The following KCND2 variants were observed in gnomAD, a reference collection of about 807,000 sequenced individuals.
KCND2 encodes A-type voltage-gated potassium channel KCND2.
A neutral mutation model predicts 54.4 loss-of-function variants in KCND2; 16 were observed. The observed-to-expected ratio is 0.29, with a 90% confidence interval of 0.20 to 0.45. The LOEUF is 0.45. Among genes scored for constraint, KCND2 ranks in the 20% least tolerant of loss-of-function variants. The pLI is 1.00. For synonymous variants in KCND2, 317 were observed against 310.7 expected (o/e 1.02, Z -0.21); for missense variants, 486 against 824.2 (o/e 0.59, Z 5.02).
intron 1 of KCND2, among the ~76,000 whole-genome samples, chr7:120,293,709 C>T (rs140629867): frequency 7.2e-4 from 109 of 151,964 alleles, no homozygotes; most frequent in African/African-American, 2.6e-3. Context: ...CTCAGCTCTG[C>T]TTAACATATA....
At chr7:120,613,380 C>T (rs1792980677) in intron 1 of KCND2, among the ~76,000 whole-genome samples, 1 of 151,968 alleles carries the variant, frequency 6.6e-6, no homozygotes, top group Admixed American at 6.6e-5. Flanking sequence ...AAAATACAAA[C>T]ATTAGCTGGG....
intron 1 of KCND2, among the ~76,000 whole-genome samples, chr7:120,717,193 G>A (rs1337925109): frequency 6.6e-6 from 1 of 152,076 alleles, no homozygotes; most frequent in Non-Finnish European, 1.5e-5. Flanking sequence ...TGACCTTCTA[G>A]CAATCATCAG....
intron 2 of KCND2, among the ~76,000 whole-genome samples, chr7:120,736,207 C>A (rs531680918): frequency 6.6e-6 from 1 of 152,194 alleles, no homozygotes; most frequent in African/African-American, 2.4e-5. Context: ...AAATTCCTAT[C>A]ATCACTATCA....
intron 1 of KCND2, among the ~76,000 whole-genome samples, chr7:120,375,062 A>T (rs886811247): frequency 7.9e-5 from 12 of 151,844 alleles, no homozygotes; most frequent in African/African-American, 2.4e-4. Flanking sequence ...TCTTGGAATA[A>T]TGCCAGGAAC....
At chr7:120,545,619 C>T (rs563186589) in intron 1 of KCND2, among the ~76,000 whole-genome samples, 133 of 151,750 alleles carry the variant, frequency 8.8e-4, no homozygotes, top group Non-Finnish European at 1.7e-3. Flanking sequence ...TAATTTTTCT[C>T]ATTGATCTGA....
intron 1 of KCND2, among the ~76,000 whole-genome samples, chr7:120,433,803 G>T (rs756545791): frequency 1.2e-4 from 18 of 152,164 alleles, no homozygotes; most frequent in Non-Finnish European, 2.2e-4. Context: ...AAATATGCAA[G>T]AATGTTTATG....
chr7:120,532,620 G>C (rs1791856211), intron 1 of KCND2, among the ~76,000 whole-genome samples: 1 of 151,646 alleles, frequency 6.6e-6, no homozygotes, highest in South Asian at 2.1e-4. Context: ...AATCACTACA[G>C]AAACAAAAGA....
At chr7:120,375,521 G>A (rs917027126) in intron 1 of KCND2, among the ~76,000 whole-genome samples, 7 of 151,766 alleles carry the variant, frequency 4.6e-5, no homozygotes, top group African/African-American at 1.4e-4. Context: ...TTTTCAATAT[G>A]CTGCATGAGT....
At chr7:120,464,727 G>T (rs562490512) in intron 1 of KCND2, among the ~76,000 whole-genome samples, 1 of 152,136 alleles carries the variant, frequency 6.6e-6, no homozygotes, top group South Asian at 2.1e-4. Flanking sequence ...GTGGCTGTAG[G>T]TCTGAGGTCT....
At chr7:120,404,086 T>C (rs921817578) in intron 1 of KCND2, among the ~76,000 whole-genome samples, 1 of 151,634 alleles carries the variant, frequency 6.6e-6, no homozygotes. Context: ...AACTAGAGAG[T>C]TTGGGCTTTC....
intron 1 of KCND2, among the ~76,000 whole-genome samples, chr7:120,545,525 G>C (rs1233620041): frequency 6.6e-6 from 1 of 151,796 alleles, no homozygotes; most frequent in Non-Finnish European, 1.5e-5. Flanking sequence ...TAGATCCCAG[G>C]TCAGCAATGA....
chr7:120,517,053 A>G (rs187640269), intron 1 of KCND2, among the ~76,000 whole-genome samples: 1 of 152,172 alleles, frequency 6.6e-6, no homozygotes, highest in Non-Finnish European at 1.5e-5. Context: ...GTCAAGTTCT[A>G]CTTTACAAAA....
intron 1 of KCND2, among the ~76,000 whole-genome samples, chr7:120,493,419 G>A (rs75803405): frequency 0.028 from 4,229 of 151,954 alleles, 90 homozygotes; most frequent in Non-Finnish European, 0.046. Context: ...ATATAACAAC[G>A]AAGAAAGTAA....
intron 1 of KCND2, among the ~76,000 whole-genome samples, chr7:120,333,712 A>C (rs917438764): frequency 6.6e-6 from 1 of 152,226 alleles, no homozygotes; most frequent in Middle Eastern, 3.4e-3. Flanking sequence ...TTTTGATCAA[A>C]ACAGATATTT....
At position 120,747,891 on chromosome 7, in the gene KCND2, C is replaced by G. The variant is rs1250118453; in HGVS notation, c.*33C>G. On this transcript the variant is annotated 3_prime_UTR_variant, in exon 6 of 6. Transcript: ENST00000331113. ...GGAATAAGGTCTAAGAGAATTCGAG[C>G]CCTGGCTGTGAAAAGAATCTCAACA... The G allele has an allele frequency of 6.6e-7, 1 of 1,513,820 alleles. No individual in the cohort carries two copies. The highest frequency in any genetic ancestry group is 1.4e-5 in the African/African-American group (1 of 72,846). 93.8% of individuals were successfully genotyped at this position (1,513,820 alleles called of 1,614,324 possible). A position where few individuals can be genotyped will look rare whatever the true frequency, so the allele number is the denominator to read the frequency against.
At chr7:120,606,155 A>G (rs1792878864) in intron 1 of KCND2, among the ~76,000 whole-genome samples, 1 of 152,124 alleles carries the variant, frequency 6.6e-6, no homozygotes, top group Non-Finnish European at 1.5e-5. Context: ...TCCATTCAAC[A>G]TCTTTTTCTT....
chr7:120,381,000 G>C (rs1468756972), intron 1 of KCND2, among the ~76,000 whole-genome samples: 1 of 152,020 alleles, frequency 6.6e-6, no homozygotes. Context: ...TTACAGGCTG[G>C]GGTTGGTGGC....
intron 1 of KCND2, among the ~76,000 whole-genome samples, chr7:120,469,794 G>A (rs575517667): frequency 6.6e-5 from 10 of 152,116 alleles, no homozygotes; most frequent in Admixed American, 3.3e-4. Flanking sequence ...GAAACGAGTA[G>A]GCTAAATAAA....
chr7:120,283,805 TA>T (rs1799299998), intron 1 of KCND2, among the ~76,000 whole-genome samples: 1 of 152,168 alleles, frequency 6.6e-6, no homozygotes, highest in East Asian at 1.9e-4. Context: ...CACTTTGCAG[TA>T]GGTACATATA....
Sources: allele counts gnomAD v4.1 joint callset (sites outside exome capture counted in the v4.1 genomes callset), GRCh38; gene constraint gnomAD v4.1.1; transcripts MANE v1.5; gene names NCBI Gene and HGNC (gene_info 2026-07-23, HGNC 2026-07-21).